The following GSE1 variants were observed in gnomAD, a reference collection of about 807,000 sequenced individuals.
GSE1 encodes the protein genetic suppressor element 1.
GSE1 carries 32 observed loss-of-function variants against 112.6 expected under a neutral mutation model. The ratio of observed to expected loss-of-function variants is 0.28; its 90% CI spans 0.21 to 0.38. The LOEUF is 0.38. GSE1 is among the 10% of genes least tolerant of loss of function. The pLI is 1.00. For synonymous variants in GSE1, 1,115 were observed against 735.6 expected (o/e 1.52, Z -8.35); for missense variants, 2,348 against 1,699.2 (o/e 1.38, Z -6.71).
At chr16:85,337,788 A>T (rs995734337) in intron 1 of GSE1, among the ~76,000 whole-genome samples, 48 of 152,182 alleles carry the variant, frequency 3.2e-4, no homozygotes, top group Non-Finnish European at 6.2e-4. Flanking sequence ...ATGCTGCCAC[A>T]CCTGGCGTCT....
intron 2 of GSE1, among the ~76,000 whole-genome samples, chr16:85,517,892 C>T (rs2052007114): frequency 6.6e-6 from 1 of 152,254 alleles, no homozygotes; most frequent in Admixed American, 6.5e-5. Context: ...CTTGCGTGTG[C>T]CCCGTCAGTG....
chr16:85,619,214 C>T (rs921757357), intron 1 of GSE1, among the ~76,000 whole-genome samples: 1 of 152,232 alleles, frequency 6.6e-6, no homozygotes, highest in Admixed American at 6.5e-5. Context: ...ACTCTGGGCC[C>T]AGGTGGCGGG....
At position 85,663,352 on chromosome 16, in the gene GSE1, GT is replaced by G. The variant is rs1567753179; in HGVS notation, c.2387del (p.Leu796CysfsTer6). 6.2e-7 allele frequency: 1 copy of G among 1,613,888 alleles called. No homozygotes were observed. Among genetic ancestry groups the G allele is most frequent in the South Asian group, 1.1e-5 (1 of 91,084 alleles). On this transcript the variant is annotated frameshift_variant, in exon 11 of 16. Coordinates refer to ENST00000253458, the MANE Select transcript of GSE1 (RefSeq NM_014615.5). LOFTEE classifies it high-confidence loss of function. ...TTTCTTTCCCAATCTAGAAGCTAGA[GT>G]TTTTGCAACTTTTTGGCTTGACCAC... ...KLDTSSEKLE[F>X]LQLFGLTTQQ...
At chr16:85,650,216 G>A (rs755421639) in intron 3 of GSE1, among the ~76,000 whole-genome samples, 65 of 152,176 alleles carry the variant, frequency 4.3e-4, no homozygotes, top group Non-Finnish European at 8.8e-4. Flanking sequence ...GCCCAAGGCG[G>A]CCCTCGTCCT....
chr16:85,267,048 C>G (rs967543551), intron 1 of GSE1, among the ~76,000 whole-genome samples: 1 of 152,162 alleles, frequency 6.6e-6, no homozygotes, highest in Non-Finnish European at 1.5e-5. Flanking sequence ...GGCTGGGCCT[C>G]TAGAGCAGGG....
chr16:85,218,355 G>A (rs2075338370), intron 1 of GSE1, among the ~76,000 whole-genome samples: 1 of 152,198 alleles, frequency 6.6e-6, no homozygotes, highest in Non-Finnish European at 1.5e-5. Context: ...ACCTTCCTGA[G>A]TCTTCATGGC....
chr16:85,662,698 T>C (rs2052532949), intron 9 of GSE1: 2 of 443,632 alleles, frequency 4.5e-6, no homozygotes, highest in African/African-American at 4.0e-5. Flanking sequence ...GTGTGATGAA[T>C]GGTTCCCTGC....
chr16:85,186,662 G>A (rs2074709211), intron 1 of GSE1, among the ~76,000 whole-genome samples: 1 of 151,828 alleles, frequency 6.6e-6, no homozygotes, highest in Non-Finnish European at 1.5e-5. Context: ...GTCCCAGCTA[G>A]TCAGGAGGCT....
At chr16:85,325,720 G>A (rs1434911976) in intron 1 of GSE1, among the ~76,000 whole-genome samples, 1 of 151,716 alleles carries the variant, frequency 6.6e-6, no homozygotes, top group Non-Finnish European at 1.5e-5. Context: ...CCAAAGTGCT[G>A]GGATTAGAGG....
intron 14 of GSE1, chr16:85,670,618 CTTTAT>C (rs1241912904): frequency 6.4e-6 from 1 of 155,712 alleles, no homozygotes; most frequent in South Asian, 2.0e-4. Context: ...AGAGCAGAGG[CTTTAT>C]TTTATTAATT....
intron 1 of GSE1, among the ~76,000 whole-genome samples, chr16:85,243,383 GC>G (rs36021707): frequency 0.011 from 1,693 of 152,354 alleles, 18 homozygotes; most frequent in South Asian, 0.022. Context: ...GGGCAGTGGG[GC>G]TTACCCCAAA....
rs148882700 is a variant in GSE1, at chr16:85,203,869, C to T, written c.2283+32062C>T. On this transcript the variant is annotated intron_variant, in intron 1 of 2. Coordinates refer to the GSE1 transcript ENST00000637419. ...CCTCCCACCTCAGCCTCCTGAGTAG[C>T]TGGGACTACAGGTGTGCACCACCAT... Among the ~76,000 whole-genome samples, 67 of 152,326 alleles carry T rather than the reference C, an allele frequency of 4.4e-4. 2 individuals carry two copies. In the East Asian group the frequency reaches 0.013, roughly 28 times the overall value.
chr16:85,483,125 T>C (rs759889279), intron 2 of GSE1, among the ~76,000 whole-genome samples: 2 of 152,228 alleles, frequency 1.3e-5, no homozygotes, highest in African/African-American at 4.8e-5. Flanking sequence ...GCTATGTGGA[T>C]CAGGTGTATA....
chr16:85,400,772 G>T lies in GSE1; in HGVS notation c.2464+43129G>T, dbSNP rs144019850. 7.6e-3 allele frequency among the ~76,000 whole-genome samples: 1,130 copies of T among 149,512 alleles called. 15 individuals carry two copies. Among genetic ancestry groups the T allele is most frequent in the African/African-American group, 0.026 (1,054 of 40,614 alleles). On this transcript the variant is annotated intron_variant, in intron 2 of 2. Transcript: ENST00000637419. ...TTGTGCACGTGTGTCTCTGTGATGT[G>T]TGTGTCTCTGTGTGTGTGGTGTGTG...
intron 2 of GSE1, among the ~76,000 whole-genome samples, chr16:85,504,587 C>T (rs1169492603): frequency 1.3e-5 from 2 of 152,024 alleles, no homozygotes; most frequent in African/African-American, 4.8e-5. Flanking sequence ...TGAGTGATTG[C>T]CACATAGTTA....
chr16:85,527,571 G>A (rs1028753883), intron 2 of GSE1, among the ~76,000 whole-genome samples: 1 of 152,260 alleles, frequency 6.6e-6, no homozygotes, highest in Non-Finnish European at 1.5e-5. Flanking sequence ...ACGCACCCGC[G>A]CCACACTGCC....
At chr16:85,344,437 T>C (rs1376294526) in intron 1 of GSE1, among the ~76,000 whole-genome samples, 1 of 152,194 alleles carries the variant, frequency 6.6e-6, no homozygotes, top group Non-Finnish European at 1.5e-5. Flanking sequence ...CAGCAGCCCT[T>C]GTTTCGGGGC....
At chr16:85,588,752 T>C (rs994059575) in intron 1 of GSE1, among the ~76,000 whole-genome samples, 2 of 152,168 alleles carry the variant, frequency 1.3e-5, no homozygotes, top group Non-Finnish European at 2.9e-5. Context: ...AGGAGCACTT[T>C]CCTGGAGGGA....
At chr16:85,258,173 A>G (rs1229885174) in intron 1 of GSE1, among the ~76,000 whole-genome samples, 1 of 152,188 alleles carries the variant, frequency 6.6e-6, no homozygotes, top group Non-Finnish European at 1.5e-5. Flanking sequence ...CTCCTCACGC[A>G]TCTTCAGAAG....
Sources: allele counts gnomAD v4.1 joint callset (sites outside exome capture counted in the v4.1 genomes callset), GRCh38; gene constraint gnomAD v4.1.1; transcripts MANE v1.5; gene names NCBI Gene and HGNC (gene_info 2026-07-23, HGNC 2026-07-21).